Variants in DLG2 observed in about 807,000 individuals in gnomAD.
The protein encoded by DLG2 is disks large homolog 2.
DLG2 carries 45 observed loss-of-function variants against 132.5 expected under a neutral mutation model. The observed-to-expected ratio is 0.34, with a 90% confidence interval of 0.27 to 0.44. The LOEUF (loss-of-function observed/expected upper bound fraction) is 0.44. Among genes scored for constraint, DLG2 ranks in the 20% least tolerant of loss-of-function variants. DLG2 has a pLI of 1.00. For synonymous variants in DLG2, 424 were observed against 419.6 expected (o/e 1.01, Z -0.13); for missense variants, 1,045 against 1,196.9 (o/e 0.87, Z 1.87).
At chr11:85,240,455 T>C (rs1250656607) in intron 4 of DLG2, among the ~76,000 whole-genome samples, 1 of 151,838 alleles carries the variant, frequency 6.6e-6, no homozygotes, top group Non-Finnish European at 1.5e-5. Context: ...CTTTTCCTTA[T>C]GGTTAGCTCT....
intron 6 of DLG2, among the ~76,000 whole-genome samples, chr11:84,720,040 C>T (rs2061626164): frequency 6.6e-6 from 1 of 152,008 alleles, no homozygotes; most frequent in Admixed American, 6.5e-5. Flanking sequence ...GCCCCATTTC[C>T]GAGCTGCATC....
intron 6 of DLG2, among the ~76,000 whole-genome samples, chr11:84,858,464 G>C (rs564403105): frequency 3.3e-5 from 5 of 152,148 alleles, no homozygotes; most frequent in Admixed American, 2.6e-4. Flanking sequence ...CAAAGATTTG[G>C]TTAAAATAAA....
intron 3 of DLG2, among the ~76,000 whole-genome samples, chr11:85,340,793 C>T (rs188291937): frequency 1.2e-4 from 19 of 152,162 alleles, no homozygotes; most frequent in African/African-American, 3.4e-4. Flanking sequence ...TCTTTTCTTT[C>T]GTTTTCTCTA....
chr11:83,666,673 T>TA (rs2075646465), intron 18 of DLG2, among the ~76,000 whole-genome samples: 1 of 152,200 alleles, frequency 6.6e-6, no homozygotes, highest in African/African-American at 2.4e-5. Flanking sequence ...CCTACGTGGT[T>TA]ACCTCTTGAA....
intron 6 of DLG2, among the ~76,000 whole-genome samples, chr11:84,832,687 A>T (rs562737748): frequency 6.6e-6 from 1 of 151,772 alleles, no homozygotes; most frequent in South Asian, 2.1e-4. Flanking sequence ...TTTATGAATC[A>T]CAGTACTTGA....
Position 84,836,753 on chromosome 11 carries a change from A to G in DLG2, c.357+274908T>C, listed in dbSNP as rs112078490. Reference sequence around the variant, plus strand: ...TTCTAACAACCTATAATGTTATGCCATAACATTGATTTTATTTTTGTTGTT... The same window carrying G: ...TTCTAACAACCTATAATGTTATGCCGTAACATTGATTTTATTTTTGTTGTT... On this transcript the variant is annotated intron_variant, in intron 6 of 27. Transcript: ENST00000376104. Among the ~76,000 whole-genome samples, 906 of 152,032 alleles carry G rather than the reference A, an allele frequency of 6.0e-3. 11 individuals carry two copies. Among genetic ancestry groups the G allele is most frequent in the Middle Eastern group, 0.01 (3 of 294 alleles).
intron 17 of DLG2, among the ~76,000 whole-genome samples, chr11:83,801,453 C>CTCTTATTCCA (rs1280962790): frequency 6.6e-6 from 1 of 152,142 alleles, no homozygotes; most frequent in African/African-American, 2.4e-5. Flanking sequence ...CTGCCTATCC[C>CTCTTATTCCA]TCTTATTCCA....
At chr11:85,077,966 T>C (rs2066765585) in intron 6 of DLG2, among the ~76,000 whole-genome samples, 1 of 150,388 alleles carries the variant, frequency 6.6e-6, no homozygotes, top group South Asian at 2.1e-4. Flanking sequence ...CTAACTAACA[T>C]GTTATAGTCC....
chr11:83,961,731 T>C (rs1447615537), intron 14 of DLG2, among the ~76,000 whole-genome samples: 1 of 152,002 alleles, frequency 6.6e-6, no homozygotes, highest in Admixed American at 6.6e-5. Flanking sequence ...AAAGAGATCA[T>C]CACTCTGGTG....
intron 7 of DLG2, among the ~76,000 whole-genome samples, chr11:84,473,814 TAA>T (rs1016864653): frequency 2.2e-4 from 33 of 152,194 alleles, no homozygotes; most frequent in African/African-American, 7.7e-4. Flanking sequence ...GGAATTAACA[TAA>T]GTTTTTAAAT....
intron 6 of DLG2, among the ~76,000 whole-genome samples, chr11:84,641,191 A>G (rs1467880443): frequency 6.6e-6 from 1 of 152,130 alleles, no homozygotes; most frequent in Non-Finnish European, 1.5e-5. Flanking sequence ...CTTCTGCCAC[A>G]CAGCTGCATA....
intron 3 of DLG2, among the ~76,000 whole-genome samples, chr11:85,433,901 T>A (rs2091331703): frequency 2.0e-5 from 3 of 152,194 alleles, no homozygotes; most frequent in Admixed American, 2.0e-4. Flanking sequence ...ACTGTAAAAT[T>A]GACCACATAA....
At chr11:84,589,226 G>C (rs1183042935) in intron 6 of DLG2, among the ~76,000 whole-genome samples, 3 of 152,170 alleles carry the variant, frequency 2.0e-5, no homozygotes, top group African/African-American at 7.2e-5. Flanking sequence ...ATGTCTGTGA[G>C]TCTGGAGAGA....
At chr11:85,419,957 T>A (rs1448086711) in intron 3 of DLG2, among the ~76,000 whole-genome samples, 1 of 152,210 alleles carries the variant, frequency 6.6e-6, no homozygotes, top group Non-Finnish European at 1.5e-5. Flanking sequence ...TCATTCCCCA[T>A]CCAGTTTTGT....
chr11:85,302,277 C>A lies in DLG2; in HGVS notation c.41-16912G>T, dbSNP rs73525487. On this transcript the variant is annotated intron_variant, in intron 3 of 27. Transcript: ENST00000376104. Reference sequence around the variant, plus strand: ...TTTCTTTCTCTCTGCTGATTAAGTTCACTAATAATACTACTACATAAAGAA... The same window carrying A: ...TTTCTTTCTCTCTGCTGATTAAGTTAACTAATAATACTACTACATAAAGAA... 2.7e-3 allele frequency among the ~76,000 whole-genome samples: 392 copies of A among 147,362 alleles called. 4 individuals are homozygous for A. Among genetic ancestry groups the A allele is most frequent in the African/African-American group, 9.6e-3 (379 of 39,572 alleles).
intron 18 of DLG2, among the ~76,000 whole-genome samples, chr11:83,654,727 C>T (rs1388012583): frequency 5.3e-5 from 8 of 152,298 alleles, no homozygotes; most frequent in South Asian, 2.1e-4. Flanking sequence ...GACTTAAATA[C>T]GTCTATAGAA....
intron 19 of DLG2, among the ~76,000 whole-genome samples, chr11:83,577,105 G>A (rs1265740374): frequency 6.6e-6 from 1 of 152,030 alleles, no homozygotes; most frequent in Non-Finnish European, 1.5e-5. Context: ...TATAAAGCAG[G>A]CAGAAAAACG....
chr11:85,576,099 T>C (rs540880002), intron 3 of DLG2, among the ~76,000 whole-genome samples: 8 of 152,306 alleles, frequency 5.3e-5, no homozygotes, highest in Non-Finnish European at 1.2e-4. Flanking sequence ...AAAAAATGTA[T>C]CTCAGAAGTC....
chr11:85,319,608 T>C (rs1444975764), intron 3 of DLG2, among the ~76,000 whole-genome samples: 2 of 151,796 alleles, frequency 1.3e-5, no homozygotes, highest in African/African-American at 4.8e-5. Flanking sequence ...AAAGATATCA[T>C]CCACAAGGTA....
Sources: allele counts gnomAD v4.1 joint callset (sites outside exome capture counted in the v4.1 genomes callset), GRCh38; gene constraint gnomAD v4.1.1; transcripts MANE v1.5; gene names NCBI Gene and HGNC (gene_info 2026-07-23, HGNC 2026-07-21).